Variants in GFAP observed in about 807,000 individuals in gnomAD.
GFAP encodes glial fibrillary acidic protein, also known as intermediate filament protein.
Under a neutral mutation model 49.3 loss-of-function variants are expected in GFAP, and 38 were observed. That is an observed-to-expected ratio of 0.77 (90% CI 0.60 to 1.01). GFAP has a LOEUF of 1.01. GFAP is among the 50% of genes least tolerant of loss of function. The pLI is 0.00. For missense variants in GFAP, 463 were observed against 579.1 expected (o/e 0.80, Z 2.06); for synonymous variants, 222 against 236.4 (o/e 0.94, Z 0.56).
rs894431369 is a variant in GFAP, at chr17:44,910,725, C to T, written c.1128-67G>A. 1.7e-5 allele frequency: 26 copies of T among 1,552,088 alleles called. No individual in the cohort carries two copies. The East Asian group carries it at 5.0e-4, about 30-fold the overall frequency. On this transcript the variant is annotated intron_variant, in intron 6 of 8. Coordinates refer to ENST00000588735, the MANE Select transcript of GFAP (RefSeq NM_002055.5). Reference sequence around the variant, plus strand: ...GACACCCCTAGGCTGGGTCTTGGTGCGGGGCCATCATGACAACTTGAACGC... The same window carrying T: ...GACACCCCTAGGCTGGGTCTTGGTGTGGGGCCATCATGACAACTTGAACGC...
intron 7 of GFAP, 94 bp from the exon 8 acceptor site, chr17:44,908,243 T>A: frequency 1.2e-6 from 1 of 853,518 alleles, no homozygotes; most frequent in Non-Finnish European, 2.0e-6. Flanking sequence ...CCCCTCCCCA[T>A]CATGAGTATG....
intron 1 of GFAP, 34 bp downstream of exon 1, chr17:44,914,992 C>G (rs764562985): frequency 6.4e-7 from 1 of 1,573,246 alleles, no homozygotes; most frequent in East Asian, 2.2e-5. Flanking sequence ...GCCCCTTCTG[C>G]TCACAAGGCC....
intron 7 of GFAP, 82 bp from the exon 8 acceptor site, chr17:44,908,231 C>T (rs756457188): frequency 2.2e-6 from 2 of 899,294 alleles, no homozygotes; most frequent in East Asian, 2.4e-5. Flanking sequence ...CCCCATCGCA[C>T]CCCCCTCCCC....
chr17:44,907,213 G>T lies in GFAP; in HGVS notation c.*134C>A. On this transcript the variant is annotated 3_prime_UTR_variant, in exon 9 of 9. Transcript: ENST00000588735. ...AGGGCAGCAAGCTGACCTAGGGACA[G>T]AGGAGGGAGGGGAGCAGCTGGGGTG... is the stretch of plus-strand genomic sequence containing the variant. 1 of 825,544 alleles carries T rather than the reference G, an allele frequency of 1.2e-6. No individual in the cohort carries two copies. The highest frequency in any genetic ancestry group is 2.5e-5 in the East Asian group (1 of 39,282). 51.1% of individuals were successfully genotyped at this position (825,544 alleles called of 1,614,324 possible). A position where few individuals can be genotyped will look rare whatever the true frequency, so the allele number is the denominator to read the frequency against.
chr17:44,912,315 G>A (rs2051793665), intron 4 of GFAP: 1 of 156,276 alleles, frequency 6.4e-6, no homozygotes, highest in South Asian at 1.9e-4. Flanking sequence ...TAGAGACGGG[G>A]TTTCACCATG....
rs1256691652 is a variant in GFAP at position 44,914,284 on chromosome 17, C to T, written c.462-196G>A. 2.4e-5 allele frequency: 14 copies of T among 594,846 alleles called. No individual in the cohort carries two copies. The East Asian group carries it at 3.3e-4, about 14-fold the overall frequency. 36.8% of individuals were successfully genotyped at this position (594,846 alleles called of 1,614,324 possible). A position where few individuals can be genotyped will look rare whatever the true frequency, so the allele number is the denominator to read the frequency against. On this transcript the variant is annotated intron_variant, in intron 1 of 8. Coordinates refer to ENST00000588735, the MANE Select transcript of GFAP (RefSeq NM_002055.5). ...GAGCAGATGTGGGCTTTTGCCTTAA[C>T]TCATTACTAAGGTGCCTTATCAGGG...
rs188092540 is a variant in GFAP, at chr17:44,913,194, C to T, written c.780+75G>A. On this transcript the variant is annotated intron_variant, in intron 4 of 8. Coordinates refer to ENST00000588735, the MANE Select transcript of GFAP (RefSeq NM_002055.5). ...GGATATTCTCCCAGCTTCCTCCACC[C>T]TCCTTCCCCCATTCTCTTGTACAGA... 1.4e-4 allele frequency: 194 copies of T among 1,425,430 alleles called. No homozygotes were observed. In the East Asian group the frequency reaches 3.5e-3, roughly 26 times the overall value. The allele number at this position is 1,425,430 out of a possible 1,614,324, so 88.3% of individuals were successfully genotyped here. A position where few individuals can be genotyped will look rare whatever the true frequency, so the allele number is the denominator to read the frequency against.
At chr17:44,913,179 C>T (rs1220381429) in intron 4 of GFAP, 90 bp downstream of exon 4, 2 of 1,302,590 alleles carry the variant, frequency 1.5e-6, no homozygotes, top group East Asian at 4.6e-5. Context: ...GGATATTCTC[C>T]CAGCTTCCTC....
chr17:44,914,169 T>TCAGAA, intron 1 of GFAP, 81 bp from the exon 2 acceptor site: 1 of 1,032,428 alleles, frequency 9.7e-7, no homozygotes, highest in Non-Finnish European at 1.5e-6. Flanking sequence ...TTGAGGCAGC[T>TCAGAA]GTCACAGAGA....
At chr17:44,909,061 A>G (rs2051702104) in intron 7 of GFAP, 1 of 152,198 alleles carries the variant, frequency 6.6e-6, no homozygotes, top group African/African-American at 2.4e-5. Flanking sequence ...AGATTGCACT[A>G]CTGCATTCCA....
chr17:44,907,562 C>T, intron 8 of GFAP, 174 bp from the exon 9 acceptor site: 1 of 683,452 alleles, frequency 1.5e-6, no homozygotes, highest in South Asian at 1.6e-5. Flanking sequence ...TGAGATAACA[C>T]TGGGAAAGCA....
In GFAP at chr17:44,904,000, C is replaced by A. The variant is rs140032762; in HGVS notation, c.*3347G>T. On this transcript the variant is annotated 3_prime_UTR_variant, in exon 9 of 9. Transcript: ENST00000588735. ...TTGAGCTTCCCTGTCACTGCAAACC[C>A]GAAGAGGTGCCAGCTGTAGTCTGGT... 1 of 1,550,634 alleles carries A rather than the reference C, an allele frequency of 6.4e-7. No individual in the cohort carries two copies. The highest frequency in any genetic ancestry group is 8.7e-7 in the Non-Finnish European group (1 of 1,147,008).
At position 44,904,962 on chromosome 17, in the gene GFAP, T is replaced by C; in HGVS notation, c.*2385A>G. ...TCAGATCCTGAGACTCGCTCGGCTG[T>C]GGAGCTCACCCTGATAGGCTACCTG... On this transcript the variant is annotated 3_prime_UTR_variant, in exon 9 of 9. Coordinates refer to ENST00000588735, the MANE Select transcript of GFAP (RefSeq NM_002055.5). 6.4e-7 allele frequency: 1 copy of C among 1,550,746 alleles called. No homozygotes were observed. Among genetic ancestry groups the C allele is most frequent in the South Asian group, 1.2e-5 (1 of 84,066 alleles).
chr17:44,912,108 G>GTGT (rs1555574315), intron 4 of GFAP, among the ~76,000 whole-genome samples: 41 of 150,822 alleles, frequency 2.7e-4, no homozygotes, highest in African/African-American at 9.6e-4. Flanking sequence ...TGTTTTGTGT[G>GTGT]TTTTTGTTTT....
Position 44,908,088 on chromosome 17 carries a change from C to T in GFAP, c.1233G>A (p.Lys411=). The T allele has an allele frequency of 5.0e-6, 8 of 1,609,264 alleles. No individual in the cohort carries two copies. Among genetic ancestry groups the T allele is most frequent in the Non-Finnish European group, 6.8e-6 (8 of 1,175,780 alleles). Residue 411 remains lysine (K), a synonymous_variant, in exon 8 of 9, where the codon AAG becomes AAA. Coordinates refer to ENST00000588735, the MANE Select transcript of GFAP (RefSeq NM_002055.5). Reference sequence around the variant, plus strand: ...CCTCTCCATCCCGCATCTCCACGGTCTTCACCACGATGTTCCTCTTGAGGT... The same window carrying T: ...CCTCTCCATCCCGCATCTCCACGGTTTTCACCACGATGTTCCTCTTGAGGT... ...EGHLKRNIVV[K]TVEMRDGEVI...
At chr17:44,910,192 C>CTCG (rs759288995) in intron 7 of GFAP, 2 of 1,613,946 alleles carry the variant, frequency 1.2e-6, no homozygotes. Flanking sequence ...ATTGGTATAA[C>CTCG]TCGTATTGTG....
chr17:44,915,262 C>T lies in GFAP; in HGVS notation c.225G>A (p.Glu75=). 1.2e-6 allele frequency: 2 copies of T among 1,614,200 alleles called. No individual in the cohort carries two copies. The highest frequency in any genetic ancestry group is 8.5e-7 in the Non-Finnish European group (1 of 1,180,038). Residue 75 remains glutamate, a synonymous_variant, in exon 1 of 9, where the codon GAG becomes GAA. Coordinates refer to ENST00000588735, the MANE Select transcript of GFAP (RefSeq NM_002055.5). The surrounding 1 kb of genome is among the most constrained non-coding windows in gnomAD (Gnocchi z 4.1). ...TRASERAEMM[E]LNDRFASYIE... is the part of the protein sequence containing the mutation. ...TGTAGCTGGCAAAGCGGTCATTGAG[C>T]TCCATCATCTCTGCCCGCTCACTGG...
At chr17:44,914,972 T>C (rs930392770) in intron 1 of GFAP, 54 bp downstream of exon 1, 10 of 1,505,572 alleles carry the variant, frequency 6.6e-6, no homozygotes, top group Admixed American at 1.8e-5. Flanking sequence ...CACTCCTTCT[T>C]GGGGATTCAG....
Position 44,907,484 on chromosome 17 carries a change from C to T in GFAP, c.1258-96G>A, listed in dbSNP as rs558363017. 22 of 853,762 alleles carry T rather than the reference C, an allele frequency of 2.6e-5. 1 individual carries two copies. The highest frequency in any genetic ancestry group is 5.5e-5 in the South Asian group (4 of 73,278). 52.9% of individuals were successfully genotyped at this position (853,762 alleles called of 1,614,324 possible). On this transcript the variant is annotated intron_variant, in intron 8 of 8. Coordinates refer to ENST00000588735, the MANE Select transcript of GFAP (RefSeq NM_002055.5). ...AGGCTGTGTAACCTTGGGAAGTCCC[C>T]GACTTCCCAGGTCTTACTTTTCTTG...
Sources: allele counts gnomAD v4.1 joint callset (sites outside exome capture counted in the v4.1 genomes callset), GRCh38; gene constraint gnomAD v4.1.1; non-coding constraint Gnocchi (gnomAD v3.1); transcripts MANE v1.5; gene names NCBI Gene and HGNC (gene_info 2026-07-23, HGNC 2026-07-21).